Variants in ETV4 observed in about 807,000 individuals in gnomAD.
ETV4 encodes the protein ETS translocation variant 4.
A neutral mutation model predicts 65.9 loss-of-function variants in ETV4; 42 were observed. That is an observed-to-expected ratio of 0.64 (90% CI 0.50 to 0.82). The LOEUF is 0.82. Among genes scored for constraint, ETV4 ranks in the 40% least tolerant of loss-of-function variants. The pLI is 0.00. For missense variants in ETV4, 583 were observed against 630.3 expected, an observed-to-expected ratio of 0.92 and a Z score of 0.80; for synonymous variants, 238 against 260.0, an observed-to-expected ratio of 0.92 and a Z score of 0.81.
At chr17:43,532,585 T>C in intron 8 of ETV4, 89 bp downstream of exon 8, 2 of 1,230,762 alleles carry the variant, frequency 1.6e-6, no homozygotes, top group Non-Finnish European at 2.3e-6. Flanking sequence ...TATGAAATGG[T>C]AAACAGCAAT....
chr17:43,539,199 G>T (rs993966267), intron 4 of ETV4, among the ~76,000 whole-genome samples: 2 of 152,150 alleles, frequency 1.3e-5, no homozygotes, highest in Non-Finnish European at 2.9e-5. Context: ...ACTTGGCCTT[G>T]CCTACCTCTC....
rs1971051381 is a variant in ETV4 at position 43,533,268 on chromosome 17, G to A, written c.464C>T (p.Pro155Leu). 1 of 1,614,004 alleles carries A rather than the reference G, an allele frequency of 6.2e-7. No homozygotes were observed. ...ALGQSPLQPF[P>L]RAEQRNFLRS... ...CAGGAAATTCCGTTGCTCTGCCCGGGGAAAGGGCTGTAGGGGCGACTGTCC... is the reference window on the plus strand; with the variant it reads ...CAGGAAATTCCGTTGCTCTGCCCGGAGAAAGGGCTGTAGGGGCGACTGTCC... The change falls in exon 7 of 13, where the codon CCC becomes CTC. Residue 155 changes from proline (P) to leucine (L), a missense_variant. Transcript: ENST00000319349.
At position 43,528,497 on chromosome 17, in the gene ETV4, CA is replaced by C; in HGVS notation, c.*21del. The stretch of plus-strand genomic sequence containing the variant: ...TACACAGGGCAGCACCCACCTGCGG[CA>C]GGGGGAACAGCCGCTGGGGGCTAGT... On this transcript the variant is annotated 3_prime_UTR_variant, in exon 13 of 13. Coordinates refer to ENST00000319349, the MANE Select transcript of ETV4 (RefSeq NM_001079675.5). The C allele has an allele frequency of 6.5e-7, 1 of 1,537,180 alleles. No individual in the cohort carries two copies. The highest frequency in any genetic ancestry group is 8.9e-7 in the Non-Finnish European group (1 of 1,123,554).
chr17:43,535,129 C>T (rs1971170541), intron 5 of ETV4, among the ~76,000 whole-genome samples: 1 of 152,170 alleles, frequency 6.6e-6, no homozygotes, highest in South Asian at 2.1e-4. Context: ...TGGTTCCAAG[C>T]CGGTGTGAGA....
intron 4 of ETV4, among the ~76,000 whole-genome samples, chr17:43,539,012 G>A (rs568066392): frequency 1.3e-5 from 2 of 152,160 alleles, no homozygotes; most frequent in East Asian, 3.9e-4. Flanking sequence ...TTTCTTACTT[G>A]GATTTCACCC....
intron 4 of ETV4, among the ~76,000 whole-genome samples, chr17:43,537,981 T>C (rs1435986002): frequency 8.6e-5 from 13 of 151,708 alleles, no homozygotes; most frequent in African/African-American, 2.9e-4. Flanking sequence ...ACAAAAAAAA[T>C]TAGCCGGGTG....
At chr17:43,541,635 A>G (rs1429215289) in intron 4 of ETV4, among the ~76,000 whole-genome samples, 1 of 152,178 alleles carries the variant, frequency 6.6e-6, no homozygotes, top group Non-Finnish European at 1.5e-5. Flanking sequence ...ACCATAGGTT[A>G]GCCACCCACA....
At chr17:43,538,467 C>T (rs564103956) in intron 4 of ETV4, among the ~76,000 whole-genome samples, 5 of 152,196 alleles carry the variant, frequency 3.3e-5, no homozygotes, top group Non-Finnish European at 5.9e-5. Flanking sequence ...GTTGGTGATC[C>T]GAAGAGCTCT....
intron 8 of ETV4, among the ~76,000 whole-genome samples, chr17:43,531,246 C>T (rs1377320516): frequency 6.6e-6 from 1 of 152,208 alleles, no homozygotes; most frequent in Admixed American, 6.5e-5. Context: ...AGATCTAGGG[C>T]TACTAATGTA....
intron 8 of ETV4, among the ~76,000 whole-genome samples, chr17:43,532,423 C>T (rs961204593): frequency 3.3e-5 from 5 of 151,932 alleles, no homozygotes; most frequent in South Asian, 4.2e-4. Flanking sequence ...CGCTTGAACC[C>T]GGTAGGCAGA....
rs1350237353 is a variant in ETV4 at position 43,530,114 on chromosome 17, C to A, written c.879G>T (p.Gly293=). Residue 293 remains glycine, a synonymous_variant, in exon 9 of 13, where the codon GGG becomes GGT. Transcript: ENST00000319349. ...GAAGGGGGGCTGCCTTACCCATGGC[C>A]CCGTCACCTGGAGAGGGCCCAGAGA... ...EGFSGPSPGD[G]AMGYGYEKPL... 1.3e-6 allele frequency: 2 copies of A among 1,586,786 alleles called. No individual in the cohort carries two copies. The highest frequency in any genetic ancestry group is 2.7e-5 in the African/African-American group (2 of 74,120).
chr17:43,531,179 C>T (rs1970915046), intron 8 of ETV4, among the ~76,000 whole-genome samples: 1 of 152,036 alleles, frequency 6.6e-6, no homozygotes, highest in African/African-American at 2.4e-5. Flanking sequence ...GTTGTGGGCA[C>T]CACAAAAAGG....
chr17:43,538,727 A>G (rs1971368253), intron 4 of ETV4, among the ~76,000 whole-genome samples: 1 of 152,166 alleles, frequency 6.6e-6, no homozygotes, highest in Non-Finnish European at 1.5e-5. Context: ...GACACCAAGA[A>G]GAACTTCCTG....
At chr17:43,541,212 A>G (rs1266854564) in intron 4 of ETV4, among the ~76,000 whole-genome samples, 1 of 152,182 alleles carries the variant, frequency 6.6e-6, no homozygotes, top group African/African-American at 2.4e-5. Flanking sequence ...GGGGTAGGCC[A>G]GGGCCCTCAG....
At chr17:43,531,077 A>G (rs930283722) in intron 8 of ETV4, among the ~76,000 whole-genome samples, 3 of 152,192 alleles carry the variant, frequency 2.0e-5, no homozygotes, top group Non-Finnish European at 2.9e-5. Context: ...AGCCTGGCTC[A>G]GGCTTATGCC....
chr17:43,529,734 C>A (rs1314602469), intron 10 of ETV4, 58 bp from the exon 11 acceptor site: 14 of 1,589,026 alleles, frequency 8.8e-6, no homozygotes, highest in Non-Finnish European at 1.2e-5. Flanking sequence ...CCCAAGCAAC[C>A]GCCTCCCACC....
chr17:43,542,171 A>G (rs1296510218), intron 4 of ETV4, among the ~76,000 whole-genome samples: 2 of 152,164 alleles, frequency 1.3e-5, no homozygotes, highest in Non-Finnish European at 1.5e-5. Flanking sequence ...GCGCAGATCG[A>G]TCGATCCCTT....
intron 5 of ETV4, among the ~76,000 whole-genome samples, chr17:43,534,243 G>A (rs1194381496): frequency 6.6e-6 from 1 of 152,106 alleles, no homozygotes; most frequent in Non-Finnish European, 1.5e-5. Context: ...GGCTGGGCAC[G>A]GTAGCTCACA....
rs1034858110 is a variant in ETV4 at position 43,533,085 on chromosome 17, C to A, written c.545+102G>T. 6.0e-6 allele frequency: 9 copies of A among 1,512,312 alleles called. No homozygotes were observed. The East Asian group carries it at 1.6e-4, about 27-fold the overall frequency. The allele number at this position is 1,512,312 out of a possible 1,614,324, so 93.7% of individuals were successfully genotyped here. A position where few individuals can be genotyped will look rare whatever the true frequency, so the allele number is the denominator to read the frequency against. On this transcript the variant is annotated intron_variant, in intron 7 of 12. Coordinates refer to ENST00000319349, the MANE Select transcript of ETV4 (RefSeq NM_001079675.5). ...GTATTTCTCCCTTTCTATTCCACTGCCCCCTGCCTCTACCACCCCACAGCT... is the reference window on the plus strand; with the variant it reads ...GTATTTCTCCCTTTCTATTCCACTGACCCCTGCCTCTACCACCCCACAGCT...
Sources: allele counts gnomAD v4.1 joint callset (sites outside exome capture counted in the v4.1 genomes callset), GRCh38; gene constraint gnomAD v4.1.1; transcripts MANE v1.5; gene names NCBI Gene and HGNC (gene_info 2026-07-23, HGNC 2026-07-21).